The following JAKMIP3 variants were observed in gnomAD, a reference collection of about 807,000 sequenced individuals.
The protein encoded by JAKMIP3 is Janus kinase and microtubule interacting protein 3.
Under a neutral mutation model 118.5 loss-of-function variants are expected in JAKMIP3, and 58 were observed. That is an observed-to-expected ratio of 0.49 (90% CI 0.40 to 0.61). The LOEUF (loss-of-function observed/expected upper bound fraction) is 0.61. Ranked by LOEUF, JAKMIP3 falls within the 20% of genes least tolerant of loss-of-function variation. The probability of loss-of-function intolerance (pLI) is 0.00; values close to 1 mark genes in which losing one functional copy is unlikely to be tolerated. For synonymous variants in JAKMIP3, 486 were observed against 451.2 expected (o/e 1.08, Z -0.98); for missense variants, 950 against 1,109.0 (o/e 0.86, Z 2.04).
intron 2 of JAKMIP3, among the ~76,000 whole-genome samples, chr10:132,107,696 T>G (rs1421878983): frequency 6.6e-6 from 1 of 152,172 alleles, no homozygotes; most frequent in East Asian, 1.9e-4. Flanking sequence ...CAGCGCCTCT[T>G]GGAGTCAGTT....
chr10:132,066,949 G>T (rs1177255726), intron 1 of JAKMIP3, among the ~76,000 whole-genome samples: 1 of 152,110 alleles, frequency 6.6e-6, no homozygotes, highest in Non-Finnish European at 1.5e-5. Context: ...TGATTTTGTT[G>T]TTCACAGTGT....
chr10:132,157,515 T>C (rs1387734037), intron 19 of JAKMIP3, among the ~76,000 whole-genome samples: 1 of 152,210 alleles, frequency 6.6e-6, no homozygotes, highest in Non-Finnish European at 1.5e-5. Context: ...GACCAAAGGG[T>C]ATGCACACTT....
chr10:132,139,262 GTA>G lies in JAKMIP3; in HGVS notation c.1344+1086_1344+1087del, dbSNP rs900113196. Among the ~76,000 whole-genome samples, 28 of 151,502 alleles carry G rather than the reference GTA, an allele frequency of 1.8e-4. 1 individual carries two copies. Among genetic ancestry groups the G allele is most frequent in the East Asian group, 7.8e-4 (4 of 5,144 alleles). On this transcript the variant is annotated intron_variant, in intron 9 of 23. Coordinates refer to ENST00000684848, the MANE Select transcript of JAKMIP3 (RefSeq NM_001323087.2). ...CATCTGTGTGTGTATGTGTGTGTGT[GTA>G]TGTGTGTACATGTGAGTGTATATGC...
chr10:132,054,039 CAA>C (rs5789112), intron 1 of JAKMIP3, among the ~76,000 whole-genome samples: 6,407 of 100,554 alleles, frequency 0.064, 379 homozygotes, highest in African/African-American at 0.2. Flanking sequence ...GACTCTGTCT[CAA>C]AAAAAAAAAA....
chr10:132,065,773 G>A (rs2038682467), upstream of JAKMIP3, among the ~76,000 whole-genome samples: 1 of 152,004 alleles, frequency 6.6e-6, no homozygotes, highest in Non-Finnish European at 1.5e-5. The surrounding 1 kb of genome is among the most constrained non-coding windows in gnomAD (Gnocchi z 5.6). Flanking sequence ...GCTGGGCTGG[G>A]GGCTCAGAGG....
chr10:132,116,320 G>A (rs901778612), intron 2 of JAKMIP3, among the ~76,000 whole-genome samples: 2 of 151,812 alleles, frequency 1.3e-5, no homozygotes, highest in African/African-American at 4.8e-5. Context: ...TGCACATTCA[G>A]ATGTGTGAGT....
At chr10:132,153,892 C>T (rs771221889) in intron 18 of JAKMIP3, 21 bp from the exon 19 acceptor site, 8 of 1,612,800 alleles carry the variant, frequency 5.0e-6, no homozygotes, top group Admixed American at 3.3e-5. Flanking sequence ...GAGACCGAGG[C>T]ATGGCCCTCC....
intron 2 of JAKMIP3, among the ~76,000 whole-genome samples, chr10:132,107,704 G>C (rs528531758): frequency 6.6e-6 from 1 of 152,314 alleles, no homozygotes; most frequent in South Asian, 2.1e-4. Flanking sequence ...CTTGGAGTCA[G>C]TTCCACGTGG....
chr10:132,056,269 C>G (rs1326046738), intron 1 of JAKMIP3, among the ~76,000 whole-genome samples: 1 of 152,158 alleles, frequency 6.6e-6, no homozygotes, highest in Non-Finnish European at 1.5e-5. Flanking sequence ...TTGTCCGTGG[C>G]CTGTGGAGGT....
intron 23 of JAKMIP3, among the ~76,000 whole-genome samples, chr10:132,176,471 G>C (rs532629919): frequency 9.6e-4 from 146 of 152,250 alleles, no homozygotes; most frequent in Non-Finnish European, 1.5e-3. Context: ...TCCCTTCATT[G>C]TTACATCTGT....
chr10:132,171,399 A>C (rs543131349), intron 23 of JAKMIP3, among the ~76,000 whole-genome samples: 1 of 152,344 alleles, frequency 6.6e-6, no homozygotes, highest in Non-Finnish European at 1.5e-5. Context: ...ACAGCCCGGC[A>C]GGTGCACTGT....
chr10:132,152,973 G>T lies in JAKMIP3; in HGVS notation c.2023G>T (p.Glu675Ter). ...TTGGGTGCAGAACCTGACCAATGAG[G>T]AGCAGGTGGTTGTCATACAAGCCAG... Reference protein sequence around the residue: ...DNAVSNLTNEEQVVVIQARTV... With the variant: ...DNAVSNLTNE Residue 675 changes from glutamate to a stop codon, truncating the protein, a stop_gained, in exon 17 of 24, where the codon GAG becomes TAG. Transcript: ENST00000684848. LOFTEE classifies it high-confidence loss of function. 1 of 1,607,806 alleles carries T rather than the reference G, an allele frequency of 6.2e-7. No homozygotes were observed. The highest frequency in any genetic ancestry group is 1.1e-5 in the South Asian group (1 of 89,454).
intron 1 of JAKMIP3, among the ~76,000 whole-genome samples, chr10:132,057,509 C>A (rs555231593): frequency 1.3e-5 from 2 of 152,302 alleles, no homozygotes; most frequent in African/African-American, 4.8e-5. Context: ...AGGACACACG[C>A]TGCCCCGCCG....
chr10:132,183,404 C>T lies in JAKMIP3; in HGVS notation c.*2151C>T, dbSNP rs191851875. 31 of 152,310 alleles carry T rather than the reference C, an allele frequency of 2.0e-4. No homozygotes were observed. The East Asian group carries it at 5.6e-3, about 27-fold the overall frequency. The allele number at this position is 152,310 out of a possible 1,614,324, so 9.4% of individuals were successfully genotyped here. ...AACTCACATTCCCAGATTCACATCCCTCATGTTTATTTGGGTCATCATGGT... is the reference window on the plus strand; with the variant it reads ...AACTCACATTCCCAGATTCACATCCTTCATGTTTATTTGGGTCATCATGGT... On this transcript the variant is annotated 3_prime_UTR_variant, in exon 24 of 24. Transcript: ENST00000684848.
chr10:132,146,987 T>G (rs557055366), intron 13 of JAKMIP3, among the ~76,000 whole-genome samples: 1 of 152,198 alleles, frequency 6.6e-6, no homozygotes, highest in Non-Finnish European at 1.5e-5. Context: ...AATGCTGGCA[T>G]GTACACTTGA....
In JAKMIP3 at chr10:132,150,032, C is replaced by A; in HGVS notation, c.1998C>A (p.Asn666Lys). 2 of 1,550,198 alleles carry A rather than the reference C, an allele frequency of 1.3e-6. No individual in the cohort carries two copies. Among genetic ancestry groups the A allele is most frequent in the African/African-American group, 1.4e-5 (1 of 70,818 alleles). The change falls in exon 16 of 24, where the codon AAC becomes AAA. Residue 666 changes from asparagine (N) to lysine (K), a missense_variant. Asn to Lys is a moderately conservative substitution (Grantham distance 94, BLOSUM62 0). Coordinates refer to ENST00000684848, the MANE Select transcript of JAKMIP3 (RefSeq NM_001323087.2). Reference protein sequence around the residue: ...LMKKLDILGDNAVSNLTNEEQ... With the variant: ...LMKKLDILGDKAVSNLTNEEQ... The stretch of plus-strand genomic sequence containing the variant: ...AGAAGCTGGACATCCTGGGCGATAA[C>A]GCCGTAAGTGTATGTCGCTCTCCTG...
intron 1 of JAKMIP3, among the ~76,000 whole-genome samples, chr10:132,089,808 C>T (rs1402090500): frequency 1.3e-5 from 2 of 152,152 alleles, no homozygotes; most frequent in Non-Finnish European, 2.9e-5. Flanking sequence ...GGAATGCTTC[C>T]AGATTTTGCC....
chr10:132,135,556 G>A (rs1045388865), intron 5 of JAKMIP3, among the ~76,000 whole-genome samples: 2 of 152,124 alleles, frequency 1.3e-5, no homozygotes, highest in African/African-American at 2.4e-5. Context: ...TAGGCTGGGT[G>A]GTTTTACCAC....
chr10:132,146,726 C>G (rs114868017), intron 13 of JAKMIP3, among the ~76,000 whole-genome samples: 1,834 of 152,290 alleles, frequency 0.012, 28 homozygotes, highest in African/African-American at 0.041. Flanking sequence ...CAGCCCAGGG[C>G]TGGTCGTGCC....
Sources: gnomAD v4.1 joint callset for allele counts (sites outside exome capture counted in the v4.1 genomes callset) on GRCh38, gnomAD v4.1.1 for gene constraint, Gnocchi (gnomAD v3.1) non-coding constraint, MANE v1.5 for transcripts, NCBI Gene and HGNC (gene_info 2026-07-23, HGNC 2026-07-21) for gene names.